The following CELF4 variants were observed in gnomAD, a reference collection of about 807,000 sequenced individuals.
CELF4 encodes CUG-BP- and ETR-3-like factor 4.
CELF4 carries 18 observed loss-of-function variants against 59.9 expected under a neutral mutation model. The ratio of observed to expected loss-of-function variants is 0.30; its 90% confidence interval spans 0.21 to 0.45. The LOEUF is 0.45. Ranked by LOEUF, CELF4 falls within the 20% of genes least tolerant of loss-of-function variation. The pLI is 1.00. For missense variants in CELF4, 456 were observed against 689.0 expected, an observed-to-expected ratio of 0.66 and a Z score of 3.79; for synonymous variants, 261 against 267.1, an observed-to-expected ratio of 0.98 and a Z score of 0.22.
At chr18:37,500,751 G>T (rs1015964792) in intron 1 of CELF4, among the ~76,000 whole-genome samples, 2 of 152,042 alleles carry the variant, frequency 1.3e-5, no homozygotes, top group African/African-American at 4.8e-5. Flanking sequence ...AGCCAGGATG[G>T]TCTTGATCTG....
intron 2 of CELF4, chr18:37,473,208 C>T (rs1467693287): frequency 1.3e-5 from 2 of 152,244 alleles, no homozygotes; most frequent in Non-Finnish European, 2.9e-5. Flanking sequence ...GCACAGAGCA[C>T]CCCTACCTCA....
At chr18:37,438,236 C>T (rs2099699749) in intron 2 of CELF4, among the ~76,000 whole-genome samples, 1 of 152,172 alleles carries the variant, frequency 6.6e-6, no homozygotes, top group Non-Finnish European at 1.5e-5. Flanking sequence ...CCTGAAAGGT[C>T]AAGTGATTGA....
chr18:37,271,195 C>T (rs1401202187), intron 7 of CELF4, among the ~76,000 whole-genome samples: 1 of 151,086 alleles, frequency 6.6e-6, no homozygotes, highest in Non-Finnish European at 1.5e-5. Flanking sequence ...TGTCCTTAGA[C>T]AGCACATAGA....
chr18:37,436,280 G>GC (rs2099692167), intron 2 of CELF4, among the ~76,000 whole-genome samples: 1 of 152,176 alleles, frequency 6.6e-6, no homozygotes, highest in African/African-American at 2.4e-5. Flanking sequence ...GGAGCAGTTC[G>GC]AGATGCCCTC....
chr18:37,284,172 C>A (rs2094503403), intron 3 of CELF4, among the ~76,000 whole-genome samples: 1 of 150,288 alleles, frequency 6.7e-6, no homozygotes, highest in Non-Finnish European at 1.5e-5. Flanking sequence ...CCCATACACT[C>A]CAACACATAC....
chr18:37,414,271 C>T (rs1056169184), intron 2 of CELF4, among the ~76,000 whole-genome samples: 1 of 151,594 alleles, frequency 6.6e-6, no homozygotes, highest in African/African-American at 2.4e-5. Flanking sequence ...TGCATACATG[C>T]CTCCATCTAC....
At chr18:37,380,429 C>T (rs1418382428) in intron 2 of CELF4, among the ~76,000 whole-genome samples, 2 of 152,222 alleles carry the variant, frequency 1.3e-5, no homozygotes, top group African/African-American at 4.8e-5. Context: ...CTTCTCTGTA[C>T]TCTGGCCTCT....
intron 10 of CELF4, 106 bp from the exon 11 acceptor site, chr18:37,259,370 G>T (rs2072734902): frequency 4.6e-6 from 2 of 436,568 alleles, no homozygotes; most frequent in South Asian, 2.7e-5. Context: ...GGGAGGGGTG[G>T]GGGCAAGGTT....
At chr18:37,400,682 G>T (rs1157421511) in intron 2 of CELF4, among the ~76,000 whole-genome samples, 3 of 152,174 alleles carry the variant, frequency 2.0e-5, no homozygotes, top group African/African-American at 4.8e-5. Flanking sequence ...AACCCAGCCT[G>T]CCCACAGTAT....
chr18:37,338,896 T>C (rs544516505), intron 2 of CELF4, among the ~76,000 whole-genome samples: 1 of 152,096 alleles, frequency 6.6e-6, no homozygotes, highest in African/African-American at 2.4e-5. Flanking sequence ...ACGTCCTTTT[T>C]CTTCCCTCCA....
Position 37,248,514 on chromosome 18 carries a change from G to C in CELF4, c.*45-3317C>G, listed in dbSNP as rs543091235. Among the ~76,000 whole-genome samples the C allele has an allele frequency of 3.9e-5, 6 of 152,252 alleles. No homozygotes were observed. The East Asian group carries it at 9.7e-4, about 25-fold the overall frequency. ...ACAGAGGCGAGCGCCTCCAGCCTTT[G>C]CTGCTCCCACTCTTGCTCTGCTGAC... On this transcript the variant is annotated intron_variant, in intron 12 of 12. Coordinates refer to ENST00000420428, the MANE Select transcript of CELF4 (RefSeq NM_020180.4).
At chr18:37,319,623 C>A (rs572802417) in intron 3 of CELF4, among the ~76,000 whole-genome samples, 1 of 152,330 alleles carries the variant, frequency 6.6e-6, no homozygotes, top group South Asian at 2.1e-4. Flanking sequence ...ATGAACAGAT[C>A]ACCAGCGGCC....
chr18:37,375,302 A>C (rs1199751605), intron 2 of CELF4, among the ~76,000 whole-genome samples: 3 of 152,192 alleles, frequency 2.0e-5, no homozygotes, highest in Admixed American at 6.5e-5. Context: ...GTGCTCAGTG[A>C]TGGGGTTGAA....
intron 2 of CELF4, among the ~76,000 whole-genome samples, chr18:37,386,154 A>T (rs1184436437): frequency 6.6e-6 from 1 of 152,182 alleles, no homozygotes; most frequent in East Asian, 1.9e-4. Flanking sequence ...CTTATATTCC[A>T]GGCACATACC....
chr18:37,329,604 T>A (rs938891387), intron 2 of CELF4, among the ~76,000 whole-genome samples: 1 of 152,166 alleles, frequency 6.6e-6, no homozygotes, highest in African/African-American at 2.4e-5. Context: ...CCAACCCTGA[T>A]CCCCTTAACC....
intron 1 of CELF4, among the ~76,000 whole-genome samples, chr18:37,520,490 G>A (rs2099956086): frequency 6.6e-6 from 1 of 152,032 alleles, no homozygotes; most frequent in South Asian, 2.1e-4. Flanking sequence ...CTGGGTTACT[G>A]CTTGACTCAG....
intron 2 of CELF4, among the ~76,000 whole-genome samples, chr18:37,438,077 G>A (rs2099699114): frequency 6.6e-6 from 1 of 152,212 alleles, no homozygotes. Context: ...ACCAGACACT[G>A]AATCTGCTAG....
chr18:37,389,595 A>G (rs911119353), intron 2 of CELF4, among the ~76,000 whole-genome samples: 1 of 152,068 alleles, frequency 6.6e-6, no homozygotes, highest in Non-Finnish European at 1.5e-5. Flanking sequence ...ACCTCTGGGT[A>G]TGCTTGGGGG....
chr18:37,291,880 C>T (rs7235525), intron 3 of CELF4, among the ~76,000 whole-genome samples: 2,355 of 152,166 alleles, frequency 0.015, 64 homozygotes, highest in African/African-American at 0.054. Flanking sequence ...CACAGCAAGG[C>T]CTGTGTTCCC....
Sources: gnomAD v4.1 joint callset for allele counts (sites outside exome capture counted in the v4.1 genomes callset) on GRCh38, gnomAD v4.1.1 for gene constraint, MANE v1.5 for transcripts, NCBI Gene and HGNC (gene_info 2026-07-23, HGNC 2026-07-21) for gene names.